Variants in TBC1D8 observed in about 807,000 individuals in gnomAD.
The protein encoded by TBC1D8 is BUB2-like protein 1.
Under a neutral mutation model 118.8 loss-of-function variants are expected in TBC1D8, and 65 were observed. The observed-to-expected ratio is 0.55, with a 90% CI of 0.45 to 0.67. The LOEUF (loss-of-function observed/expected upper bound fraction) is 0.67, where lower values mean the gene tolerates loss of function less well. Ranked by LOEUF, TBC1D8 falls within the 30% of genes least tolerant of loss-of-function variation. The pLI, the probability that TBC1D8 is intolerant of heterozygous loss-of-function variation, is 0.00. For synonymous variants in TBC1D8, 566 were observed against 595.8 expected (o/e 0.95, Z 0.73); for missense variants, 1,376 against 1,471.2 (o/e 0.94, Z 1.06).
In TBC1D8 at chr2:101,034,197, A is replaced by T. The variant is rs113699548; in HGVS notation, c.1604-439T>A. On this transcript the variant is annotated intron_variant, in intron 9 of 19. Coordinates refer to ENST00000409318, the MANE Select transcript of TBC1D8 (RefSeq NM_001330348.2). The stretch of plus-strand genomic sequence containing the variant: ...TAGCCTAGTCAAAAAAACAGAAATA[A>T]AAGAAATAGTATGGCTTTTCTAAGA... 5.9e-4 allele frequency among the ~76,000 whole-genome samples: 90 copies of T among 152,300 alleles called. 1 individual carries two copies. The highest frequency in any genetic ancestry group is 2.1e-3 in the African/African-American group (86 of 41,548).
intron 5 of TBC1D8, 42 bp from the exon 6 acceptor site, chr2:101,040,427 T>G: frequency 1.3e-6 from 2 of 1,525,956 alleles, no homozygotes; most frequent in Non-Finnish European, 1.8e-6. Context: ...ATAGGAAAGG[T>G]GAATGGACAG....
At chr2:101,111,865 A>C (rs943253612) in intron 1 of TBC1D8, among the ~76,000 whole-genome samples, 5 of 151,996 alleles carry the variant, frequency 3.3e-5, no homozygotes, top group African/African-American at 1.2e-4. Flanking sequence ...ACCAAACTGT[A>C]CATTTAACAG....
At chr2:101,032,598 C>A (rs2105389754) in intron 10 of TBC1D8, 2 of 505,282 alleles carry the variant, frequency 4.0e-6, no homozygotes, top group Admixed American at 6.5e-5. Flanking sequence ...GGCCACCACT[C>A]AGCTCCGGTC....
intron 1 of TBC1D8, among the ~76,000 whole-genome samples, chr2:101,143,255 G>A (rs865917512): frequency 1.3e-4 from 20 of 152,052 alleles, no homozygotes; most frequent in African/African-American, 4.3e-4. Flanking sequence ...TAGAGATGGG[G>A]TTTCACCATG....
intron 1 of TBC1D8, among the ~76,000 whole-genome samples, chr2:101,138,364 C>T (rs934567912): frequency 6.6e-6 from 1 of 152,172 alleles, no homozygotes; most frequent in Non-Finnish European, 1.5e-5. Context: ...GGAGTTTTCC[C>T]ATACCAACCA....
At chr2:101,122,264 G>T (rs1475162837) in intron 1 of TBC1D8, among the ~76,000 whole-genome samples, 1 of 150,108 alleles carries the variant, frequency 6.7e-6, no homozygotes, top group African/African-American at 2.4e-5. Flanking sequence ...GTAGAAACGG[G>T]GTTTCACCAT....
intron 1 of TBC1D8, among the ~76,000 whole-genome samples, chr2:101,123,825 C>T (rs1023398702): frequency 2.0e-5 from 3 of 152,236 alleles, no homozygotes; most frequent in African/African-American, 4.8e-5. Flanking sequence ...GAGCCCCTGA[C>T]AGGGAGCTTC....
At chr2:101,047,445 G>A (rs1681780733) in intron 5 of TBC1D8, among the ~76,000 whole-genome samples, 2 of 152,208 alleles carry the variant, frequency 1.3e-5, no homozygotes, top group South Asian at 4.1e-4. Context: ...GAGAGCCAGG[G>A]AGCGAGCATG....
At chr2:101,041,413 T>C (rs2105401218) in intron 5 of TBC1D8, among the ~76,000 whole-genome samples, 1 of 152,292 alleles carries the variant, frequency 6.6e-6, no homozygotes, top group South Asian at 2.1e-4. Context: ...AATATTATAC[T>C]GAGTGAAGTA....
intron 1 of TBC1D8, among the ~76,000 whole-genome samples, chr2:101,143,891 T>C (rs1247669368): frequency 1.3e-5 from 2 of 152,340 alleles, no homozygotes; most frequent in East Asian, 3.9e-4. Flanking sequence ...CTGGGCTGGT[T>C]CAGCCACAAA....
chr2:101,053,332 C>G (rs755902538), intron 4 of TBC1D8, among the ~76,000 whole-genome samples: 55 of 152,198 alleles, frequency 3.6e-4, no homozygotes, highest in Non-Finnish European at 7.3e-4. Context: ...CCCAGAGCAT[C>G]AGAACCAAGG....
In TBC1D8 at chr2:101,033,576, C is replaced by T. The variant is rs1680806285; in HGVS notation, c.1786G>A (p.Ala596Thr). The T allele has an allele frequency of 6.2e-7, 1 of 1,613,812 alleles. No homozygotes were observed. The highest frequency in any genetic ancestry group is 1.3e-5 in the African/African-American group (1 of 74,904). ...TATCCAATCTTGGGGTTCCGGTGGG[C>T]ATAGGCCGTCAAGACTCTCCTCAAA... ...AALRRVLTAY[A>T]HRNPKIGYCQ... The change falls in exon 10 of 20, where the codon GCC becomes ACC. Residue 596 changes from alanine to threonine, a missense_variant. Transcript: ENST00000409318.
intron 1 of TBC1D8, among the ~76,000 whole-genome samples, chr2:101,139,422 C>T (rs1261254090): frequency 6.6e-6 from 1 of 152,182 alleles, no homozygotes; most frequent in Non-Finnish European, 1.5e-5. Context: ...CCCGCTCCCA[C>T]GCCACATCTG....
intron 1 of TBC1D8, among the ~76,000 whole-genome samples, chr2:101,109,163 T>C (rs968271523): frequency 1.3e-5 from 2 of 152,008 alleles, no homozygotes; most frequent in African/African-American, 4.8e-5. Flanking sequence ...GGGAGTCGCA[T>C]GAAACCAGGG....
At chr2:101,127,218 C>A (rs960033573) in intron 1 of TBC1D8, among the ~76,000 whole-genome samples, 3 of 152,038 alleles carry the variant, frequency 2.0e-5, no homozygotes, top group East Asian at 1.9e-4. Context: ...TGCCTGTAAT[C>A]CCAGCTACTT....
intron 1 of TBC1D8, among the ~76,000 whole-genome samples, chr2:101,106,490 C>G (rs561688042): frequency 5.9e-5 from 9 of 152,258 alleles, no homozygotes; most frequent in African/African-American, 2.2e-4. Flanking sequence ...GGGGACAGCC[C>G]TAAGTAATTT....
chr2:101,050,755 TA>T (rs1443193845), intron 4 of TBC1D8, 114 bp from the exon 5 acceptor site: 1 of 1,344,252 alleles, frequency 7.4e-7, no homozygotes, highest in African/African-American at 1.5e-5. Flanking sequence ...AATGCCTTTT[TA>T]AAAAATCTTT....
chr2:101,110,190 T>C (rs1677506385), intron 1 of TBC1D8, among the ~76,000 whole-genome samples: 1 of 152,186 alleles, frequency 6.6e-6, no homozygotes, highest in African/African-American at 2.4e-5. Context: ...TGATGCACAG[T>C]GATGGTACTA....
chr2:101,138,688 G>A (rs995602753), intron 1 of TBC1D8, among the ~76,000 whole-genome samples: 1 of 152,156 alleles, frequency 6.6e-6, no homozygotes, highest in Non-Finnish European at 1.5e-5. Context: ...CACAGGGCGG[G>A]GTGTACTGGA....
Sources: allele counts gnomAD v4.1 joint callset (sites outside exome capture counted in the v4.1 genomes callset), GRCh38; gene constraint gnomAD v4.1.1; transcripts MANE v1.5; gene names NCBI Gene and HGNC (gene_info 2026-07-23, HGNC 2026-07-21).